The following PRPF38B variants were observed in gnomAD, a reference collection of about 807,000 sequenced individuals.
PRPF38B encodes the protein pre-mRNA-splicing factor 38B.
A neutral mutation model predicts 67.2 loss-of-function variants in PRPF38B; 18 were observed. The observed-to-expected ratio is 0.27, with a 90% confidence interval of 0.19 to 0.40. PRPF38B has a LOEUF of 0.40. Ranked by LOEUF, PRPF38B falls within the 10% of genes least tolerant of loss-of-function variation. The pLI is 1.00. For missense variants in PRPF38B, 544 were observed against 684.9 expected (o/e 0.79, Z 2.30); for synonymous variants, 246 against 234.2 (o/e 1.05, Z -0.46).
At chr1:108,699,058 A>G in intron 5 of PRPF38B, 104 bp from the exon 6 acceptor site, 1 of 1,512,784 alleles carries the variant, frequency 6.6e-7, no homozygotes, top group Non-Finnish European at 8.8e-7. Flanking sequence ...ACATGGCCTT[A>G]AGCTTGAGGA....
intron 2 of PRPF38B, 93 bp downstream of exon 2, chr1:108,695,863 G>T: frequency 7.0e-7 from 1 of 1,435,094 alleles, no homozygotes; most frequent in Non-Finnish European, 9.5e-7. Context: ...ATACACTTGA[G>T]TGACAATTTT....
At position 108,692,362 on chromosome 1, in the gene PRPF38B, C is replaced by G. The variant is rs531844717; in HGVS notation, c.-230C>G. ...AGAGATCGAGCTCCCTGGCTGCCGGCTCGCCTTCTGCGTGGAGTTCTCGCG... is the reference window on the plus strand; with the variant it reads ...AGAGATCGAGCTCCCTGGCTGCCGGGTCGCCTTCTGCGTGGAGTTCTCGCG... On this transcript the variant is annotated 5_prime_UTR_variant, in exon 1 of 6. Transcript: ENST00000370025. 150 of 564,020 alleles carry G rather than the reference C, an allele frequency of 2.7e-4. No homozygotes were observed. Among genetic ancestry groups the G allele is most frequent in the African/African-American group, 2.7e-3 (139 of 52,300 alleles). 34.9% of individuals were successfully genotyped at this position (564,020 alleles called of 1,614,324 possible).
rs1175719921 is a variant in PRPF38B, at chr1:108,702,391, T to C, written c.*2371T>C. ...CACCCACCTCAGCCTCCCAAAGCGCTGTGATTACAGGTGTGAGCCACCACT... is the reference window on the plus strand; with the variant it reads ...CACCCACCTCAGCCTCCCAAAGCGCCGTGATTACAGGTGTGAGCCACCACT... On this transcript the variant is annotated 3_prime_UTR_variant, in exon 6 of 6. Transcript: ENST00000370025. Among the ~76,000 whole-genome samples the C allele has an allele frequency of 6.6e-6, 1 of 152,232 alleles. No individual in the cohort carries two copies. Among genetic ancestry groups the C allele is most frequent in the Non-Finnish European group, 1.5e-5 (1 of 68,034 alleles).
chr1:108,696,204 C>T lies in PRPF38B; in HGVS notation c.497+10C>T. The T allele has an allele frequency of 6.2e-7, 1 of 1,611,792 alleles. No homozygotes were observed. Among genetic ancestry groups the T allele is most frequent in the South Asian group, 1.1e-5 (1 of 90,706 alleles). On this transcript the variant is annotated intron_variant, in intron 3 of 5. Transcript: ENST00000370025. ...GATTTATGTATATAAGGTGAGCGTA[C>T]ATTTATGTACATTTCCAGTAAATAT...
rs1248293759 is a variant in PRPF38B, at chr1:108,701,972, C to T, written c.*1952C>T. Among the ~76,000 whole-genome samples, 2 of 151,616 alleles carry T rather than the reference C, an allele frequency of 1.3e-5. No homozygotes were observed. The highest frequency in any genetic ancestry group is 2.9e-5 in the Non-Finnish European group (2 of 68,038). ...CTTTTAGCATACCTAAATTATGGAGCTACTACTTTGGATATGGTTCCATGT... is the reference window on the plus strand; with the variant it reads ...CTTTTAGCATACCTAAATTATGGAGTTACTACTTTGGATATGGTTCCATGT... On this transcript the variant is annotated 3_prime_UTR_variant, in exon 6 of 6. Transcript: ENST00000370025.
chr1:108,702,543 A>G lies in PRPF38B; in HGVS notation c.*2523A>G, dbSNP rs570701147. Reference sequence around the variant, plus strand: ...GATTTATTTGGAGAGTGGCTTCCTAAGAAACTGGGAAAACAAGTGGCTATG... The same window carrying G: ...GATTTATTTGGAGAGTGGCTTCCTAGGAAACTGGGAAAACAAGTGGCTATG... On this transcript the variant is annotated 3_prime_UTR_variant, in exon 6 of 6. Coordinates refer to ENST00000370025, the MANE Select transcript of PRPF38B (RefSeq NM_018061.4). Among the ~76,000 whole-genome samples the G allele has an allele frequency of 3.3e-5, 5 of 152,190 alleles. No individual in the cohort carries two copies. Among genetic ancestry groups the G allele is most frequent in the Non-Finnish European group, 7.3e-5 (5 of 68,044 alleles).
rs746400825 is a variant in PRPF38B at position 108,699,137 on chromosome 1, T to G, written c.783-25T>G. 7.0e-6 allele frequency: 11 copies of G among 1,562,230 alleles called. No individual in the cohort carries two copies. In the South Asian group the frequency reaches 1.2e-4, roughly 17 times the overall value. ...TGCATATGTTTTATTCATTGAAATTTTCTTTCTCCCTCCGCCTTCCTTAGG... is the reference window on the plus strand; with the variant it reads ...TGCATATGTTTTATTCATTGAAATTGTCTTTCTCCCTCCGCCTTCCTTAGG... On this transcript the variant is annotated intron_variant, in intron 5 of 5. Coordinates refer to ENST00000370025, the MANE Select transcript of PRPF38B (RefSeq NM_018061.4).
At position 108,699,445 on chromosome 1, in the gene PRPF38B, A is replaced by G. The variant is rs769744235; in HGVS notation, c.1066A>G (p.Arg356Gly). The change falls in exon 6 of 6, where the codon AGA (arginine) becomes GGA (glycine). Residue 356 changes from arginine (R) to glycine (G), a missense_variant. By Grantham distance (125) the Arg-to-Gly change is moderately radical. Around this residue, in one of 5 missense-constraint regions of PRPF38B, gnomAD observed 387 missense variants for 386.1 expected, o/e 1.00. Transcript: ENST00000370025. ...KGDRRDRDRE[R>G]EKENERGRRR... The stretch of plus-strand genomic sequence containing the variant: ...GGATAGAAGGGACAGGGATCGAGAA[A>G]GAGAGAAAGAAAATGAGAGAGGTAG... 5 of 1,613,540 alleles carry G rather than the reference A, an allele frequency of 3.1e-6. No homozygotes were observed. Among genetic ancestry groups the G allele is most frequent in the African/African-American group, 1.3e-5 (1 of 74,900 alleles).
chr1:108,696,262 C>A lies in PRPF38B; in HGVS notation c.498-15C>A, dbSNP rs1659851207. 1.9e-6 allele frequency: 3 copies of A among 1,611,590 alleles called. No homozygotes were observed. The highest frequency in any genetic ancestry group is 1.7e-5 in the Admixed American group (1 of 59,878). On this transcript the variant is annotated splice_polypyrimidine_tract_variant and intron_variant, in intron 3 of 5. Coordinates refer to ENST00000370025, the MANE Select transcript of PRPF38B (RefSeq NM_018061.4). The stretch of plus-strand genomic sequence containing the variant: ...TAATTCACATGTGTTTAATAATAGT[C>A]TTTTGTAATTCTAGATATACACAGC...
At position 108,700,084 on chromosome 1, in the gene PRPF38B, A is replaced by G; in HGVS notation, c.*64A>G. The G allele has an allele frequency of 6.6e-7, 1 of 1,520,442 alleles. No individual in the cohort carries two copies. Among genetic ancestry groups the G allele is most frequent in the South Asian group, 1.4e-5 (1 of 73,314 alleles). The allele number at this position is 1,520,442 out of a possible 1,614,324, so 94.2% of individuals were successfully genotyped here. ...ATGATTAAATCTGCTTTTTTCCCCC[A>G]CGTTGAGATTGTGCAGTAGTTCGCA... is the stretch of plus-strand genomic sequence containing the variant. On this transcript the variant is annotated 3_prime_UTR_variant, in exon 6 of 6. Coordinates refer to ENST00000370025, the MANE Select transcript of PRPF38B (RefSeq NM_018061.4).
intron 4 of PRPF38B, chr1:108,698,350 G>A: frequency 2.6e-6 from 1 of 388,848 alleles, no homozygotes; most frequent in Non-Finnish European, 4.6e-6. Flanking sequence ...AATGTAAGGG[G>A]CTTTTTCATA....
At chr1:108,698,942 G>A in intron 5 of PRPF38B, 115 bp downstream of exon 5, 1 of 1,297,936 alleles carries the variant, frequency 7.7e-7, no homozygotes, top group Non-Finnish European at 1.0e-6. Context: ...TTATTAGTTT[G>A]TCACTTTTAC....
In PRPF38B at chr1:108,692,517, C is replaced by G. The variant is rs1427267689; in HGVS notation, c.-75C>G. 1.0e-5 allele frequency: 15 copies of G among 1,455,350 alleles called. No homozygotes were observed. The highest frequency in any genetic ancestry group is 2.8e-5 in the African/African-American group (2 of 70,802). The allele number at this position is 1,455,350 out of a possible 1,614,324, so 90.2% of individuals were successfully genotyped here. A position where few individuals can be genotyped will look rare whatever the true frequency, so the allele number is the denominator to read the frequency against. ...CGTTCGATGGAGTAGGGTCCCAGAC[C>G]GTTGTCCCGAAGAGCGAGATCGAGC... is the stretch of plus-strand genomic sequence containing the variant. On this transcript the variant is annotated 5_prime_UTR_variant, in exon 1 of 6. Transcript: ENST00000370025.
In PRPF38B at chr1:108,696,350, G is replaced by A; in HGVS notation, c.558+13G>A. 6.3e-7 allele frequency: 1 copy of A among 1,599,516 alleles called. No individual in the cohort carries two copies. Among genetic ancestry groups the A allele is most frequent in the Non-Finnish European group, 8.6e-7 (1 of 1,169,180 alleles). ...TGATGATGAAGAGGTATGTCAACAA[G>A]GGTAATAATTTGTTTTCTTCTGATT... On this transcript the variant is annotated intron_variant, in intron 4 of 5. Transcript: ENST00000370025.
At position 108,699,151 on chromosome 1, in the gene PRPF38B, G is replaced by T. The variant is rs201434809; in HGVS notation, c.783-11G>T. 6.2e-5 allele frequency: 98 copies of T among 1,573,342 alleles called. No individual in the cohort carries two copies. The highest frequency in any genetic ancestry group is 4.9e-4 in the East Asian group (22 of 44,546). On this transcript the variant is annotated splice_polypyrimidine_tract_variant and intron_variant, in intron 5 of 5. Coordinates refer to ENST00000370025, the MANE Select transcript of PRPF38B (RefSeq NM_018061.4). ...TCATTGAAATTTTCTTTCTCCCTCC[G>T]CCTTCCTTAGGTCTCCAAGGAGATC...
At chr1:108,697,536 C>CTTTTT (rs1660013750) in intron 4 of PRPF38B, 8 of 25,838 alleles carry the variant, frequency 3.1e-4, no homozygotes, top group African/African-American at 8.6e-4. Context: ...TTTTATTTTT[C>CTTTTT]TCTTTTTTTT....
chr1:108,692,972 A>G, intron 1 of PRPF38B, 105 bp downstream of exon 1: 1 of 1,426,108 alleles, frequency 7.0e-7, no homozygotes, highest in Non-Finnish European at 9.4e-7. Context: ...TGGGTGGGGG[A>G]AGGTGGTTCG....
At chr1:108,693,420 C>A (rs1659535672) in intron 1 of PRPF38B, among the ~76,000 whole-genome samples, 1 of 151,996 alleles carries the variant, frequency 6.6e-6, no homozygotes, top group African/African-American at 2.4e-5. Context: ...GGAAATTTTC[C>A]CAGCAGGAAG....
In PRPF38B at chr1:108,692,502, A is replaced by C; in HGVS notation, c.-90A>C. 7.2e-7 allele frequency: 1 copy of C among 1,391,880 alleles called. No individual in the cohort carries two copies. Among genetic ancestry groups the C allele is most frequent in the Non-Finnish European group, 9.5e-7 (1 of 1,054,580 alleles). The allele number at this position is 1,391,880 out of a possible 1,614,324, so 86.2% of individuals were successfully genotyped here. On this transcript the variant is annotated 5_prime_UTR_variant, in exon 1 of 6. Coordinates refer to ENST00000370025, the MANE Select transcript of PRPF38B (RefSeq NM_018061.4). ...CCCTTCTCCCGACGACGTTCGATGG[A>C]GTAGGGTCCCAGACCGTTGTCCCGA...
Sources: allele counts gnomAD v4.1 joint callset (sites outside exome capture counted in the v4.1 genomes callset), GRCh38; gene constraint gnomAD v4.1.1; regional missense constraint gnomAD v4.1.1; transcripts MANE v1.5; gene names NCBI Gene and HGNC (gene_info 2026-07-23, HGNC 2026-07-21).